Variants in ADAMTSL1 observed in about 807,000 individuals in gnomAD.
The protein encoded by ADAMTSL1 is ADAMTS like 1.
A neutral mutation model predicts 201.8 loss-of-function variants in ADAMTSL1; 126 were observed. That is an observed-to-expected ratio of 0.62 (90% CI 0.54 to 0.72). The LOEUF is 0.72. Ranked by LOEUF, ADAMTSL1 falls within the 30% of genes least tolerant of loss-of-function variation. The pLI is 0.00. For missense variants in ADAMTSL1, 2,679 were observed against 2,277.8 expected, an observed-to-expected ratio of 1.18 and a Z score of -3.59; for synonymous variants, 1,121 against 903.4, an observed-to-expected ratio of 1.24 and a Z score of -4.32.
At chr9:18,253,436 T>A (rs1305859023) in intron 2 of ADAMTSL1, among the ~76,000 whole-genome samples, 3 of 152,212 alleles carry the variant, frequency 2.0e-5, no homozygotes, top group Non-Finnish European at 4.4e-5. Context: ...GTTGTCTAAT[T>A]TTATCAAAGA....
Position 18,169,239 on chromosome 9 carries a change from T to C in ADAMTSL1, c.207+5258T>C, listed in dbSNP as rs1169369552. Among the ~76,000 whole-genome samples the C allele has an allele frequency of 9.2e-5, 14 of 152,114 alleles. No individual in the cohort carries two copies. In the South Asian group the frequency reaches 2.9e-3, roughly 32 times the overall value. ...GAATGGTGTTGCCTAGGTTTTCTTC[T>C]AGGGTTTTTATGGTTTTAGGTCTAA... On this transcript the variant is annotated intron_variant, in intron 2 of 29. Transcript: ENST00000680146.
chr9:18,811,027 A>AAAAAAAAAAAAAAAAAAAAG (rs1563820799), intron 20 of ADAMTSL1, among the ~76,000 whole-genome samples: 1 of 149,958 alleles, frequency 6.7e-6, no homozygotes, highest in African/African-American at 2.4e-5. Flanking sequence ...AAAAAAAAAA[A>AAAAAAAAAAAAAAAAAAAAG]AAAAAAAACA....
At chr9:18,536,604 A>G (rs1206970148) in intron 3 of ADAMTSL1, among the ~76,000 whole-genome samples, 1 of 152,186 alleles carries the variant, frequency 6.6e-6, no homozygotes, top group Middle Eastern at 3.2e-3. Flanking sequence ...AGCTGGTTCA[A>G]GAAGACTATT....
At chr9:18,433,207 G>T (rs530767933) in intron 2 of ADAMTSL1, among the ~76,000 whole-genome samples, 1 of 152,156 alleles carries the variant, frequency 6.6e-6, no homozygotes, top group African/African-American at 2.4e-5. Flanking sequence ...TCATTTGTAT[G>T]ATTTTATCAC....
intron 1 of ADAMTSL1, among the ~76,000 whole-genome samples, chr9:18,010,870 A>G (rs1436990434): frequency 2.6e-5 from 4 of 152,162 alleles, no homozygotes; most frequent in East Asian, 3.9e-4. Context: ...ATTTTATGTG[A>G]TCACTGTATC....
chr9:18,787,697 A>G (rs1388452044), intron 19 of ADAMTSL1, among the ~76,000 whole-genome samples: 1 of 152,208 alleles, frequency 6.6e-6, no homozygotes, highest in Non-Finnish European at 1.5e-5. Flanking sequence ...TAAACTGACT[A>G]TACTCAACTC....
chr9:18,727,040 C>T (rs1209931721), intron 15 of ADAMTSL1, among the ~76,000 whole-genome samples: 1 of 152,208 alleles, frequency 6.6e-6, no homozygotes, highest in Non-Finnish European at 1.5e-5. Flanking sequence ...TCTTTAAAAG[C>T]ATACTTCAGA....
At chr9:18,855,683 T>G (rs1826795725) in intron 23 of ADAMTSL1, among the ~76,000 whole-genome samples, 1 of 152,218 alleles carries the variant, frequency 6.6e-6, no homozygotes, top group Admixed American at 6.5e-5. Context: ...TCTTTTTATG[T>G]GAAAATCCAT....
chr9:18,784,526 G>T (rs1055491219), intron 19 of ADAMTSL1, among the ~76,000 whole-genome samples: 2 of 152,178 alleles, frequency 1.3e-5, no homozygotes, highest in African/African-American at 4.8e-5. Context: ...AGTGATACCT[G>T]TTCCTAACCA....
intron 1 of ADAMTSL1, among the ~76,000 whole-genome samples, chr9:18,086,872 CA>C (rs1823792195): frequency 6.6e-6 from 1 of 152,070 alleles, no homozygotes; most frequent in Non-Finnish European, 1.5e-5. Context: ...GCTTTGAAAA[CA>C]GTGAATATTT....
At chr9:18,213,882 C>T (rs920391583) in intron 2 of ADAMTSL1, among the ~76,000 whole-genome samples, 1 of 151,880 alleles carries the variant, frequency 6.6e-6, no homozygotes, top group Admixed American at 6.6e-5. Context: ...TGGGATTACA[C>T]GCCTGGCTTG....
chr9:18,693,599 G>A (rs1190764242), intron 13 of ADAMTSL1, among the ~76,000 whole-genome samples: 1 of 152,152 alleles, frequency 6.6e-6, no homozygotes, highest in African/African-American at 2.4e-5. Context: ...TCTTTATCTA[G>A]CCTGGTTTCA....
chr9:18,037,245 C>T (rs917499474), intron 1 of ADAMTSL1, among the ~76,000 whole-genome samples: 1 of 152,188 alleles, frequency 6.6e-6, no homozygotes, highest in Admixed American at 6.5e-5. Flanking sequence ...ACTTGTAGTC[C>T]CTTTAATTTG....
At chr9:18,049,929 TCTGATTCTGTGGGATAAAAGC>T (rs1821855106) in intron 1 of ADAMTSL1, among the ~76,000 whole-genome samples, 1 of 152,180 alleles carries the variant, frequency 6.6e-6, no homozygotes, top group Non-Finnish European at 1.5e-5. Flanking sequence ...GGCCCGGACT[TCTGATTCTGTGGGATAAAAGC>T]ACCTTCATTT....
At chr9:18,066,593 T>C (rs1474526277) in intron 1 of ADAMTSL1, among the ~76,000 whole-genome samples, 1 of 152,214 alleles carries the variant, frequency 6.6e-6, no homozygotes, top group Non-Finnish European at 1.5e-5. Flanking sequence ...CTATTCTCAT[T>C]TAGGTATGTT....
At chr9:18,376,138 T>A (rs1015909144) in intron 2 of ADAMTSL1, among the ~76,000 whole-genome samples, 50 of 152,214 alleles carry the variant, frequency 3.3e-4, no homozygotes, top group Non-Finnish European at 7.3e-5. Context: ...AAACTTCCCA[T>A]GCAGTAAATA....
At chr9:18,333,510 A>G (rs1039824381) in intron 2 of ADAMTSL1, among the ~76,000 whole-genome samples, 3 of 152,198 alleles carry the variant, frequency 2.0e-5, no homozygotes, top group Non-Finnish European at 4.4e-5. Flanking sequence ...GTGTTTCCTT[A>G]TAGTGGCATG....
Position 18,067,075 on chromosome 9 carries a change from C to G in ADAMTSL1, c.88-96787C>G, listed in dbSNP as rs549607900. Among the ~76,000 whole-genome samples, 3 of 152,114 alleles carry G rather than the reference C, an allele frequency of 2.0e-5. No individual in the cohort carries two copies. In the East Asian group the frequency reaches 5.8e-4, roughly 29 times the overall value. On this transcript the variant is annotated intron_variant, in intron 1 of 29. Transcript: ENST00000680146. ...ATGGGTGCATCACACCAGCATGGCA[C>G]ATGTACACATATGTAACTAACCTGC... is the stretch of plus-strand genomic sequence containing the variant.
chr9:18,416,715 A>G (rs887277854), intron 2 of ADAMTSL1, among the ~76,000 whole-genome samples: 4 of 152,048 alleles, frequency 2.6e-5, no homozygotes, highest in Non-Finnish European at 5.9e-5. Context: ...GAGTCAATAC[A>G]TTAGGAGAAC....
Sources: allele counts gnomAD v4.1 joint callset (sites outside exome capture counted in the v4.1 genomes callset), GRCh38; gene constraint gnomAD v4.1.1; transcripts MANE v1.5; gene names NCBI Gene and HGNC (gene_info 2026-07-23, HGNC 2026-07-21).